ANKFN1: variants seen among roughly 807,000 people sequenced by gnomAD.
The protein encoded by ANKFN1 is ankyrin repeat and fibronectin type-III domain-containing protein 1.
Under a neutral mutation model 108.7 loss-of-function variants are expected in ANKFN1, and 74 were observed. The ratio of observed to expected loss-of-function variants is 0.68; its 90% CI spans 0.56 to 0.83. The LOEUF (loss-of-function observed/expected upper bound fraction) is 0.83, where lower values mean the gene tolerates loss of function less well. ANKFN1 is among the 40% of genes least tolerant of loss of function. ANKFN1 has a pLI of 0.00. For missense variants in ANKFN1, 1,505 were observed against 1,382.3 expected (o/e 1.09, Z -1.41); for synonymous variants, 547 against 516.2 (o/e 1.06, Z -0.81).
intron 1 of ANKFN1, among the ~76,000 whole-genome samples, chr17:56,175,927 G>A (rs1238603507): frequency 1.3e-5 from 2 of 152,056 alleles, no homozygotes; most frequent in South Asian, 4.2e-4. Context: ...AAGATAGTAG[G>A]GGGGTGGGGG....
chr17:56,110,760 C>A (rs16956665), intron 4 of ANKFN1, among the ~76,000 whole-genome samples: 1,793 of 152,310 alleles, frequency 0.012, 35 homozygotes, highest in African/African-American at 0.04. Context: ...CCAACAATAC[C>A]TTTTGCAGGA....
At chr17:56,472,660 C>G (rs1190741624) in intron 15 of ANKFN1, 4 of 152,110 alleles carry the variant, frequency 2.6e-5, no homozygotes, top group Non-Finnish European at 5.9e-5. Context: ...GGAATTCAGT[C>G]AAACGAAGAC....
At chr17:56,261,378 C>T (rs2043506827) in intron 3 of ANKFN1, among the ~76,000 whole-genome samples, 1 of 152,198 alleles carries the variant, frequency 6.6e-6, no homozygotes, top group Non-Finnish European at 1.5e-5. Context: ...AGCTCTATAA[C>T]TCCAGTGAGT....
intron 1 of ANKFN1, among the ~76,000 whole-genome samples, chr17:56,207,413 G>A (rs947464060): frequency 6.6e-6 from 1 of 152,194 alleles, no homozygotes; most frequent in Non-Finnish European, 1.5e-5. Context: ...TATCTCAACA[G>A]ATCTTCCAAC....
intron 1 of ANKFN1, among the ~76,000 whole-genome samples, chr17:56,181,208 A>T (rs1273894134): frequency 6.6e-6 from 1 of 152,206 alleles, no homozygotes; most frequent in African/African-American, 2.4e-5. Flanking sequence ...TCTTGCATGA[A>T]TGCCTTTTTA....
intron 4 of ANKFN1, among the ~76,000 whole-genome samples, chr17:56,120,534 CT>C (rs1175842302): frequency 6.6e-6 from 1 of 152,176 alleles, no homozygotes; most frequent in Non-Finnish European, 1.5e-5. Context: ...GAAGCCAACT[CT>C]TATGACTCTC....
In ANKFN1 at chr17:56,240,510, G is replaced by A. The variant is rs184799429; in HGVS notation, c.53+12553G>A. ...AAATACTGCAATGATTATCCTTGTA[G>A]CCTCATGTACCTGGGCAGAATTTTC... is the stretch of plus-strand genomic sequence containing the variant. On this transcript the variant is annotated intron_variant, in intron 3 of 20. Transcript: ENST00000682825. Among the ~76,000 whole-genome samples, 19 of 152,100 alleles carry A rather than the reference G, an allele frequency of 1.2e-4. No individual in the cohort carries two copies. In the East Asian group the frequency reaches 3.7e-3, roughly 29 times the overall value.
At chr17:56,265,655 G>T (rs1309673135) in intron 3 of ANKFN1, among the ~76,000 whole-genome samples, 1 of 152,112 alleles carries the variant, frequency 6.6e-6, no homozygotes, top group East Asian at 1.9e-4. Flanking sequence ...TTGGTTCCAG[G>T]ACCCCCATGG....
At chr17:56,079,762 A>G (rs1905223363) in intron 4 of ANKFN1, among the ~76,000 whole-genome samples, 1 of 152,198 alleles carries the variant, frequency 6.6e-6, no homozygotes, top group Non-Finnish European at 1.5e-5. Flanking sequence ...AGAACGTGAC[A>G]AGGTGGTGAC....
At chr17:56,447,532 C>T (rs1404241608) in intron 10 of ANKFN1, among the ~76,000 whole-genome samples, 2 of 152,106 alleles carry the variant, frequency 1.3e-5, no homozygotes, top group Admixed American at 6.5e-5. Flanking sequence ...GAGTCATATA[C>T]AACTGGATTG....
intron 1 of ANKFN1, among the ~76,000 whole-genome samples, chr17:56,162,857 G>A (rs753824120): frequency 1.2e-4 from 19 of 152,004 alleles, no homozygotes; most frequent in Non-Finnish European, 4.4e-5. Context: ...CCAATATGGT[G>A]AAACCCTGTC....
chr17:56,432,698 C>T (rs1319752802), intron 8 of ANKFN1, among the ~76,000 whole-genome samples: 1 of 152,172 alleles, frequency 6.6e-6, no homozygotes, highest in Non-Finnish European at 1.5e-5. Flanking sequence ...GGACCTGGAG[C>T]CTGGCCACTG....
At chr17:56,331,399 T>C (rs955657880) in intron 4 of ANKFN1, among the ~76,000 whole-genome samples, 4 of 152,212 alleles carry the variant, frequency 2.6e-5, no homozygotes, top group African/African-American at 9.6e-5. Context: ...ATGCTATGTC[T>C]TACAACTGCT....
chr17:56,373,058 T>C (rs1476641294), intron 7 of ANKFN1, among the ~76,000 whole-genome samples: 1 of 152,192 alleles, frequency 6.6e-6, no homozygotes, highest in Non-Finnish European at 1.5e-5. Flanking sequence ...CCATGAGGCT[T>C]CATGCCTCTG....
intron 4 of ANKFN1, among the ~76,000 whole-genome samples, chr17:56,089,832 A>G (rs1052506860): frequency 6.6e-6 from 1 of 151,276 alleles, no homozygotes; most frequent in African/African-American, 2.4e-5. Flanking sequence ...CTCCAGCAGC[A>G]GCTCCCTGAG....
At chr17:56,197,302 T>C (rs1045269600) in intron 1 of ANKFN1, among the ~76,000 whole-genome samples, 1 of 152,212 alleles carries the variant, frequency 6.6e-6, no homozygotes, top group African/African-American at 2.4e-5. Flanking sequence ...AGTTATATCA[T>C]GTTTCCAGAG....
At chr17:56,286,781 C>A (rs2044229106) in intron 3 of ANKFN1, among the ~76,000 whole-genome samples, 1 of 152,272 alleles carries the variant, frequency 6.6e-6, no homozygotes, top group African/African-American at 2.4e-5. Context: ...TACCTTTACA[C>A]TCCTTTTTGT....
chr17:56,256,183 T>C (rs1343720097), intron 3 of ANKFN1, among the ~76,000 whole-genome samples: 3 of 152,158 alleles, frequency 2.0e-5, no homozygotes, highest in Admixed American at 2.0e-4. Flanking sequence ...GTGAAGGAGT[T>C]AGGAAAGATT....
At chr17:56,072,874 T>A (rs1369607156) in intron 4 of ANKFN1, among the ~76,000 whole-genome samples, 1 of 152,146 alleles carries the variant, frequency 6.6e-6, no homozygotes, top group Non-Finnish European at 1.5e-5. Flanking sequence ...CCCAAAAAAT[T>A]TATCCTGAGA....
Sources: allele counts gnomAD v4.1 joint callset (sites outside exome capture counted in the v4.1 genomes callset), GRCh38; gene constraint gnomAD v4.1.1; transcripts MANE v1.5; gene names NCBI Gene and HGNC (gene_info 2026-07-23, HGNC 2026-07-21).